ETV6: variants seen among roughly 807,000 people sequenced by gnomAD.
The protein encoded by ETV6 is ETS variant transcription factor 6, also known as transcription factor ETV6.
ETV6 carries 16 observed loss-of-function variants against 51.1 expected under a neutral mutation model. The observed-to-expected ratio is 0.31, with a 90% CI of 0.21 to 0.48. ETV6 has a LOEUF of 0.48. Among genes scored for constraint, ETV6 ranks in the 20% least tolerant of loss-of-function variants. ETV6 has a pLI of 0.99. For synonymous variants in ETV6, 240 were observed against 224.1 expected (o/e 1.07, Z -0.64); for missense variants, 458 against 594.8 (o/e 0.77, Z 2.39).
At chr12:11,881,184 A>G (rs1947087193) in intron 5 of ETV6, among the ~76,000 whole-genome samples, 1 of 152,180 alleles carries the variant, frequency 6.6e-6, no homozygotes, top group Non-Finnish European at 1.5e-5. Context: ...AAGCAAGTCT[A>G]CTGCCCCTGC....
At chr12:11,838,041 A>G (rs1191181611) in intron 2 of ETV6, among the ~76,000 whole-genome samples, 3 of 152,222 alleles carry the variant, frequency 2.0e-5, no homozygotes, top group Non-Finnish European at 4.4e-5. Flanking sequence ...ACCAAAAATA[A>G]TTTGTGAGAA....
intron 2 of ETV6, among the ~76,000 whole-genome samples, chr12:11,812,960 G>A (rs928853103): frequency 6.6e-6 from 1 of 152,128 alleles, no homozygotes; most frequent in Admixed American, 6.5e-5. Context: ...CTGACATTCC[G>A]GAGGCCCCAG....
At chr12:11,689,447 TATTTC>T (rs1186735079) in intron 1 of ETV6, among the ~76,000 whole-genome samples, 1 of 152,190 alleles carries the variant, frequency 6.6e-6, no homozygotes, top group Non-Finnish European at 1.5e-5. Context: ...TATTTCATTT[TATTTC>T]ATTTCATTTT....
chr12:11,820,063 C>T (rs118132368), intron 2 of ETV6, among the ~76,000 whole-genome samples: 1,896 of 152,338 alleles, frequency 0.012, 15 homozygotes, highest in Middle Eastern at 0.024. Flanking sequence ...GGTCCTTACA[C>T]ATATGTCAAC....
intron 1 of ETV6, among the ~76,000 whole-genome samples, chr12:11,672,186 G>A (rs1226232373): frequency 6.6e-6 from 1 of 151,896 alleles, no homozygotes; most frequent in Non-Finnish European, 1.5e-5. Context: ...ATAATCAGGA[G>A]GTTTCTATTT....
intron 1 of ETV6, among the ~76,000 whole-genome samples, chr12:11,679,289 C>A (rs920460641): frequency 6.6e-6 from 1 of 151,956 alleles, no homozygotes; most frequent in East Asian, 1.9e-4. Flanking sequence ...AGGCCCTGAG[C>A]AGCTATATAG....
intron 2 of ETV6, among the ~76,000 whole-genome samples, chr12:11,760,347 G>A (rs978102352): frequency 2.0e-5 from 3 of 152,184 alleles, no homozygotes; most frequent in African/African-American, 7.2e-5. Context: ...TGATGGGTAC[G>A]GATAATGGAT....
chr12:11,803,446 G>C (rs1229439835), intron 2 of ETV6, among the ~76,000 whole-genome samples: 3 of 152,176 alleles, frequency 2.0e-5, no homozygotes, highest in Admixed American at 6.5e-5. Context: ...TATTGGATTT[G>C]AGTTGCTTCT....
At chr12:11,735,029 A>G (rs968342927) in intron 1 of ETV6, among the ~76,000 whole-genome samples, 1 of 151,692 alleles carries the variant, frequency 6.6e-6, no homozygotes, top group African/African-American at 2.4e-5. Flanking sequence ...ATTAATGGGC[A>G]AAATGTCTTC....
At position 11,864,715 on chromosome 12, in the gene ETV6, T is replaced by G. The variant is rs548987055; in HGVS notation, c.464-4709T>G. 3.3e-5 allele frequency among the ~76,000 whole-genome samples: 5 copies of G among 152,260 alleles called. No homozygotes were observed. The East Asian group carries it at 9.6e-4, about 29-fold the overall frequency. On this transcript the variant is annotated intron_variant, in intron 4 of 7. Coordinates refer to ENST00000396373, the MANE Select transcript of ETV6 (RefSeq NM_001987.5). ...TAAAGTGAGGAAGTTAGTGCTTGTC[T>G]TTCCAACCTATATCCTTGCAAGGTT...
In ETV6 at chr12:11,892,316, G is replaced by C. The variant is rs893849538; in HGVS notation, c.*1270G>C. The C allele has an allele frequency of 1.3e-5, 3 of 228,692 alleles. No individual in the cohort carries two copies. Among genetic ancestry groups the C allele is most frequent in the African/African-American group, 6.8e-5 (3 of 43,946 alleles). The allele number at this position is 228,692 out of a possible 1,614,324, so 14.2% of individuals were successfully genotyped here. ...CGGAGGATCCCAGAGGGCAGTCTCAGTTGCAATCAGTGTGTGCCCAGCCTG... is the reference window on the plus strand; with the variant it reads ...CGGAGGATCCCAGAGGGCAGTCTCACTTGCAATCAGTGTGTGCCCAGCCTG... On this transcript the variant is annotated 3_prime_UTR_variant, in exon 8 of 8. Transcript: ENST00000396373.
At chr12:11,881,993 G>A (rs1252973884) in intron 5 of ETV6, among the ~76,000 whole-genome samples, 1 of 152,152 alleles carries the variant, frequency 6.6e-6, no homozygotes, top group East Asian at 1.9e-4. Context: ...GGCAAGACGG[G>A]GTGGGCAATA....
intron 2 of ETV6, among the ~76,000 whole-genome samples, chr12:11,838,827 C>A (rs1035570449): frequency 7.2e-5 from 11 of 152,220 alleles, no homozygotes; most frequent in African/African-American, 2.4e-4. Context: ...ACCTACCATC[C>A]CTTAAACACA....
intron 2 of ETV6, among the ~76,000 whole-genome samples, chr12:11,821,107 AATCC>A (rs1178310974): frequency 2.0e-5 from 3 of 152,188 alleles, no homozygotes; most frequent in African/African-American, 4.8e-5. Context: ...TCACGCCTGT[AATCC>A]CAGCACTTTG....
At chr12:11,797,962 G>A (rs985950497) in intron 2 of ETV6, among the ~76,000 whole-genome samples, 4 of 152,110 alleles carry the variant, frequency 2.6e-5, no homozygotes, top group African/African-American at 4.8e-5. Flanking sequence ...GGTTTATTTG[G>A]GAATGTGATG....
intron 1 of ETV6, among the ~76,000 whole-genome samples, chr12:11,716,218 C>G: frequency 6.7e-6 from 1 of 150,362 alleles, no homozygotes; most frequent in East Asian, 2.0e-4. Context: ...GTAGTCCCAG[C>G]TACTCGGGAG....
chr12:11,680,404 G>C (rs1158631874), intron 1 of ETV6, among the ~76,000 whole-genome samples: 1 of 152,074 alleles, frequency 6.6e-6, no homozygotes, highest in East Asian at 1.9e-4. Context: ...TGCTTCCTTT[G>C]GTTTTGTTTG....
At chr12:11,822,143 A>G (rs1946090852) in intron 2 of ETV6, among the ~76,000 whole-genome samples, 2 of 152,158 alleles carry the variant, frequency 1.3e-5, no homozygotes, top group African/African-American at 4.8e-5. Context: ...TCACCTTGAC[A>G]TGCCCTGCGC....
Position 11,752,557 on chromosome 12 carries a change from G to A in ETV6, c.141G>A (p.Ser47=), listed in dbSNP as rs769721740. The part of the protein sequence containing the change: ...VPRALRMEED[S]IRLPAHLRLQ... ...GAGCGCTCAGGATGGAGGAAGACTC[G>A]ATCCGCCTGCCTGCGCACCTGCGTG... is the stretch of plus-strand genomic sequence containing the variant. Residue 47 remains serine (S), a synonymous_variant, in exon 2 of 8, where the codon TCG becomes TCA. Coordinates refer to ENST00000396373, the MANE Select transcript of ETV6 (RefSeq NM_001987.5). The A allele has an allele frequency of 4.9e-5, 79 of 1,612,968 alleles. No individual in the cohort carries two copies. Among genetic ancestry groups the A allele is most frequent in the Non-Finnish European group, 6.3e-5 (74 of 1,179,914 alleles).
Sources: gnomAD v4.1 joint callset for allele counts (sites outside exome capture counted in the v4.1 genomes callset) on GRCh38, gnomAD v4.1.1 for gene constraint, MANE v1.5 for transcripts, NCBI Gene and HGNC (gene_info 2026-07-23, HGNC 2026-07-21) for gene names.